The following NYAP2 variants were observed in gnomAD, a reference collection of about 807,000 sequenced individuals.
The protein encoded by NYAP2 is neuronal tyrosine-phosphorylated phosphoinositide-3-kinase adaptor 2.
A neutral mutation model predicts 50.4 loss-of-function variants in NYAP2; 23 were observed. The ratio of observed to expected loss-of-function variants is 0.46; its 90% confidence interval spans 0.33 to 0.65. NYAP2 has a LOEUF of 0.65. Ranked by LOEUF, NYAP2 falls within the 30% of genes least tolerant of loss-of-function variation. The pLI is 0.02. For missense variants in NYAP2, 885 were observed against 861.0 expected, an observed-to-expected ratio of 1.03 and a Z score of -0.35; for synonymous variants, 394 against 365.2, an observed-to-expected ratio of 1.08 and a Z score of -0.90.
At chr2:225,432,477 A>G (rs1689283554) in intron 3 of NYAP2, among the ~76,000 whole-genome samples, 1 of 150,134 alleles carries the variant, frequency 6.7e-6, no homozygotes, top group Admixed American at 6.7e-5. Flanking sequence ...CTATATAAAT[A>G]TATATAAATA....
chr2:225,489,997 A>G (rs1402658230), intron 3 of NYAP2, among the ~76,000 whole-genome samples: 1 of 152,226 alleles, frequency 6.6e-6, no homozygotes, highest in African/African-American at 2.4e-5. Flanking sequence ...TTTGAGAAAC[A>G]ATGCAAACTG....
upstream of NYAP2, among the ~76,000 whole-genome samples, chr2:225,399,023 A>C (rs992341199): frequency 3.9e-5 from 6 of 152,062 alleles, no homozygotes; most frequent in Non-Finnish European, 7.4e-5. Flanking sequence ...TTAAAAACTA[A>C]ATTCAGAAAA....
At chr2:225,578,325 T>G (rs1402368349) in intron 4 of NYAP2, among the ~76,000 whole-genome samples, 2 of 152,082 alleles carry the variant, frequency 1.3e-5, no homozygotes, top group African/African-American at 4.8e-5. Flanking sequence ...CATTAGGCTC[T>G]CTTCACCAAG....
At chr2:225,621,635 TTAAC>T (rs1474454105) in intron 5 of NYAP2, among the ~76,000 whole-genome samples, 1 of 152,166 alleles carries the variant, frequency 6.6e-6, no homozygotes, top group Non-Finnish European at 1.5e-5. Flanking sequence ...TTATATGTAT[TTAAC>T]TATATTTTTA....
chr2:225,661,470 A>C, the NYAP2 span, among the ~76,000 whole-genome samples: 1 of 152,144 alleles, frequency 6.6e-6, no homozygotes, highest in African/African-American at 2.4e-5. Flanking sequence ...AGAGCTTCTT[A>C]TGTGTTTGCC....
At chr2:225,628,382 T>TCCA (rs1208416972) in intron 6 of NYAP2, among the ~76,000 whole-genome samples, 1 of 142,592 alleles carries the variant, frequency 7.0e-6, no homozygotes, top group Non-Finnish European at 1.5e-5. Context: ...AGTGCAATGG[T>TCCA]GCGATCTTGG....
intron 3 of NYAP2, among the ~76,000 whole-genome samples, chr2:225,446,935 G>A (rs1689573744): frequency 6.6e-6 from 1 of 152,044 alleles, no homozygotes; most frequent in Non-Finnish European, 1.5e-5. Flanking sequence ...CAACCAGAGA[G>A]GCTATCTGAA....
the NYAP2 span, among the ~76,000 whole-genome samples, chr2:225,690,228 A>T: frequency 6.6e-6 from 1 of 152,150 alleles, no homozygotes; most frequent in Non-Finnish European, 1.5e-5. Context: ...CCAACATATC[A>T]ATTATTTTAT....
At chr2:225,539,448 T>G (rs536047833) in intron 4 of NYAP2, among the ~76,000 whole-genome samples, 2 of 152,324 alleles carry the variant, frequency 1.3e-5, no homozygotes, top group African/African-American at 4.8e-5. Flanking sequence ...TTGAACTAAT[T>G]TATACTCCCA....
the NYAP2 span, among the ~76,000 whole-genome samples, chr2:225,680,822 G>A: frequency 9.2e-5 from 14 of 152,222 alleles, no homozygotes; most frequent in South Asian, 4.1e-4. Context: ...CACCACTTAC[G>A]TTGCAGGGCA....
intron 3 of NYAP2, among the ~76,000 whole-genome samples, chr2:225,421,706 G>A (rs568935406): frequency 2.8e-4 from 43 of 152,306 alleles, no homozygotes; most frequent in Middle Eastern, 3.4e-3. Flanking sequence ...TATTCTCTCC[G>A]GCCTAGTGGC....
chr2:225,411,199 G>A (rs1216270017), intron 3 of NYAP2, among the ~76,000 whole-genome samples: 3 of 152,128 alleles, frequency 2.0e-5, no homozygotes, highest in Non-Finnish European at 4.4e-5. Flanking sequence ...AGCAGTAAAG[G>A]TGGTGTAAAA....
intron 4 of NYAP2, among the ~76,000 whole-genome samples, chr2:225,514,258 GT>G (rs1201148115): frequency 1.3e-5 from 2 of 152,092 alleles, no homozygotes; most frequent in African/African-American, 4.8e-5. Flanking sequence ...TATAAATTAG[GT>G]CATATTAACA....
intron 3 of NYAP2, among the ~76,000 whole-genome samples, chr2:225,480,029 A>G (rs1690179460): frequency 6.6e-6 from 1 of 152,120 alleles, no homozygotes; most frequent in African/African-American, 2.4e-5. Flanking sequence ...TAACTTTGGT[A>G]AAAGTTAAGT....
At chr2:225,637,630 C>T (rs1693443860) in intron 6 of NYAP2, among the ~76,000 whole-genome samples, 1 of 152,132 alleles carries the variant, frequency 6.6e-6, no homozygotes, top group Admixed American at 6.5e-5. Context: ...TAACAGAATT[C>T]TCATTTGGAG....
chr2:225,600,844 T>C (rs1012093261), intron 5 of NYAP2, among the ~76,000 whole-genome samples: 2 of 152,250 alleles, frequency 1.3e-5, no homozygotes, highest in African/African-American at 4.8e-5. Flanking sequence ...CTTATTTCAC[T>C]TAGCATGTCC....
At chr2:225,637,693 T>C (rs1265337581) in intron 6 of NYAP2, among the ~76,000 whole-genome samples, 1 of 152,196 alleles carries the variant, frequency 6.6e-6, no homozygotes, top group Non-Finnish European at 1.5e-5. Flanking sequence ...CTTTTATTTC[T>C]CTGTGGAAAA....
chr2:225,525,868 G>T (rs1004092969), intron 4 of NYAP2, among the ~76,000 whole-genome samples: 6 of 152,164 alleles, frequency 3.9e-5, no homozygotes, highest in African/African-American at 1.4e-4. Context: ...ACTCCCTGCT[G>T]TACTACTTCT....
intron 4 of NYAP2, among the ~76,000 whole-genome samples, chr2:225,523,212 T>G (rs1691097242): frequency 6.6e-6 from 1 of 151,796 alleles, no homozygotes; most frequent in African/African-American, 2.4e-5. Flanking sequence ...TTCCTGGAAG[T>G]CCTCACAAGA....
Sources: gnomAD v4.1 joint callset for allele counts (sites outside exome capture counted in the v4.1 genomes callset) on GRCh38, gnomAD v4.1.1 for gene constraint, MANE v1.5 for transcripts, NCBI Gene and HGNC (gene_info 2026-07-23, HGNC 2026-07-21) for gene names.